MAP2K5: variants seen among roughly 807,000 people sequenced by gnomAD.
The protein encoded by MAP2K5 is dual specificity mitogen-activated protein kinase kinase 5.
In MAP2K5, 49 loss-of-function variants were observed where a neutral mutation model predicts 83.1. The ratio of observed to expected loss-of-function variants is 0.59; its 90% confidence interval spans 0.47 to 0.75. MAP2K5 has a LOEUF of 0.75. Ranked by LOEUF, MAP2K5 falls within the 30% of genes least tolerant of loss-of-function variation. MAP2K5 has a pLI of 0.00. For synonymous variants in MAP2K5, 202 were observed against 191.8 expected (o/e 1.05, Z -0.44); for missense variants, 457 against 557.5 (o/e 0.82, Z 1.82).
intron 17 of MAP2K5, among the ~76,000 whole-genome samples, chr15:67,733,489 GAGA>G (rs746835043): frequency 6.6e-6 from 1 of 152,112 alleles, no homozygotes. Flanking sequence ...GCAGTATATG[GAGA>G]AGATCACTTT....
At chr15:67,735,125 G>A (rs2089309743) in intron 17 of MAP2K5, among the ~76,000 whole-genome samples, 1 of 152,104 alleles carries the variant, frequency 6.6e-6, no homozygotes, top group Non-Finnish European at 1.5e-5. Context: ...TTTTTAAATT[G>A]CCAGTGTCAA....
intron 13 of MAP2K5, among the ~76,000 whole-genome samples, chr15:67,673,396 T>A (rs2141170722): frequency 6.6e-6 from 1 of 152,284 alleles, no homozygotes; most frequent in South Asian, 2.1e-4. Flanking sequence ...TTAAGTGAAA[T>A]CAGTATAAAT....
At chr15:67,628,381 G>C in intron 8 of MAP2K5, 1 of 530,708 alleles carries the variant, frequency 1.9e-6, no homozygotes, top group Non-Finnish European at 3.3e-6. Flanking sequence ...TCGGGAGGCT[G>C]AGGCAGGAGC....
chr15:67,580,958 A>G (rs1415730138), intron 4 of MAP2K5, 135 bp downstream of exon 4: 5 of 635,924 alleles, frequency 7.9e-6, no homozygotes, highest in Non-Finnish European at 1.1e-5. Flanking sequence ...AGTATTCATT[A>G]TCGTGGGGAT....
In MAP2K5 at chr15:67,746,734, G is replaced by C. The variant is rs556054000; in HGVS notation, c.1075-1497G>C. Among the ~76,000 whole-genome samples, 6 of 152,344 alleles carry C rather than the reference G, an allele frequency of 3.9e-5. No homozygotes were observed. In the East Asian group the frequency reaches 7.7e-4, roughly 20 times the overall value. On this transcript the variant is annotated intron_variant, in intron 17 of 21. Coordinates refer to ENST00000178640, the MANE Select transcript of MAP2K5 (RefSeq NM_145160.3). This position sits in a 1 kb window ranked among gnomAD's most constrained non-coding sequence, Gnocchi z 4.1. ...AGACTAAGCCAGTCAACCTGGGACA[G>C]AGGTTTCTGAAAGTAGTGATTGGGG...
intron 13 of MAP2K5, among the ~76,000 whole-genome samples, chr15:67,678,646 C>A (rs1231254754): frequency 6.6e-6 from 1 of 152,248 alleles, no homozygotes; most frequent in East Asian, 1.9e-4. Flanking sequence ...ATAGCTGATA[C>A]AAAAATCACA....
intron 1 of MAP2K5, among the ~76,000 whole-genome samples, chr15:67,547,714 C>T (rs2084425666): frequency 6.6e-6 from 1 of 152,110 alleles, no homozygotes; most frequent in African/African-American, 2.4e-5. Context: ...ACTTCGGCCC[C>T]CCAAAGTGCT....
At chr15:67,674,060 G>A (rs1425533770) in intron 13 of MAP2K5, among the ~76,000 whole-genome samples, 11 of 152,112 alleles carry the variant, frequency 7.2e-5, no homozygotes, top group Admixed American at 2.6e-4. Flanking sequence ...TGTTAGCCAG[G>A]CTGGTCTCGA....
intron 8 of MAP2K5, among the ~76,000 whole-genome samples, chr15:67,618,407 C>A (rs2086103521): frequency 6.6e-6 from 1 of 152,166 alleles, no homozygotes; most frequent in African/African-American, 2.4e-5. Flanking sequence ...CACCTCTTCT[C>A]TGTTTAATTC....
chr15:67,657,224 T>C (rs1371866622), intron 11 of MAP2K5, among the ~76,000 whole-genome samples: 1 of 152,216 alleles, frequency 6.6e-6, no homozygotes, highest in East Asian at 1.9e-4. Context: ...ATTTAGTTAA[T>C]TAGGCCCTGA....
chr15:67,629,853 G>A (rs1567321583), intron 8 of MAP2K5, among the ~76,000 whole-genome samples: 1 of 152,038 alleles, frequency 6.6e-6, no homozygotes, highest in Non-Finnish European at 1.5e-5. Context: ...GGTTTATTTT[G>A]AAATTTTTAT....
At chr15:67,600,972 G>GT (rs1567302080) in intron 8 of MAP2K5, among the ~76,000 whole-genome samples, 2 of 152,084 alleles carry the variant, frequency 1.3e-5, no homozygotes, top group African/African-American at 4.8e-5. Context: ...TGGGTGTGTA[G>GT]TTAATAGTCC....
chr15:67,701,459 T>C (rs2088414629), intron 15 of MAP2K5, among the ~76,000 whole-genome samples: 1 of 152,148 alleles, frequency 6.6e-6, no homozygotes, highest in African/African-American at 2.4e-5. Context: ...CAACACAGTG[T>C]GATAAATAAT....
chr15:67,629,186 G>A lies in MAP2K5; in HGVS notation c.546-1702G>A, dbSNP rs1322188552. ...AAAAGAGGAGAGCTAGAGAAGTGAC[G>A]GGGAAGCTACAGGTTACAACAGATT... On this transcript the variant is annotated intron_variant, in intron 8 of 21. Transcript: ENST00000178640. The A allele has an allele frequency of 1.5e-5, 10 of 676,600 alleles. 1 individual carries two copies. Among genetic ancestry groups the A allele is most frequent in the Admixed American group, 3.8e-5 (2 of 52,302 alleles). 41.9% of individuals were successfully genotyped at this position (676,600 alleles called of 1,614,324 possible).
At chr15:67,553,939 A>AG (rs913310777) in intron 2 of MAP2K5, among the ~76,000 whole-genome samples, 1 of 151,554 alleles carries the variant, frequency 6.6e-6, no homozygotes, top group African/African-American at 2.4e-5. Context: ...AAAAAAAAAA[A>AG]AAAGAAATAG....
intron 17 of MAP2K5, among the ~76,000 whole-genome samples, chr15:67,735,780 T>C (rs1464281461): frequency 1.3e-5 from 2 of 152,090 alleles, no homozygotes; most frequent in African/African-American, 4.8e-5. Flanking sequence ...AGAAATAGAA[T>C]AGAAGGTTAA....
rs1213426898 is a variant in MAP2K5 at position 67,708,451 on chromosome 15, A to G, written c.1044+5043A>G. ...TGAGGTTTGGTGATGCCAGAAGCAG[A>G]AAGTTCAATTTACAGCTGTCAGACT... On this transcript the variant is annotated intron_variant, in intron 16 of 21. Transcript: ENST00000178640. The surrounding 1 kb of genome is among the most constrained non-coding windows in gnomAD (Gnocchi z 4.9). 6.6e-6 allele frequency among the ~76,000 whole-genome samples: 1 copy of G among 152,186 alleles called. No homozygotes were observed. Among genetic ancestry groups the G allele is most frequent in the Non-Finnish European group, 1.5e-5 (1 of 68,022 alleles).
chr15:67,558,508 G>A (rs995130111), intron 2 of MAP2K5, among the ~76,000 whole-genome samples: 2 of 152,148 alleles, frequency 1.3e-5, no homozygotes, highest in African/African-American at 4.8e-5. Flanking sequence ...TTAGAAGTCA[G>A]GTGACACCAC....
At chr15:67,721,899 A>G (rs2088967613) in intron 16 of MAP2K5, among the ~76,000 whole-genome samples, 2 of 152,202 alleles carry the variant, frequency 1.3e-5, no homozygotes, top group Admixed American at 1.3e-4. Flanking sequence ...GGGTGTACAC[A>G]GTTTGATGCT....
Sources: gnomAD v4.1 joint callset for allele counts (sites outside exome capture counted in the v4.1 genomes callset) on GRCh38, gnomAD v4.1.1 for gene constraint, Gnocchi (gnomAD v3.1) non-coding constraint, MANE v1.5 for transcripts, NCBI Gene and HGNC (gene_info 2026-07-23, HGNC 2026-07-21) for gene names.